The following BAZ2B variants were observed in gnomAD, a reference collection of about 807,000 sequenced individuals.
BAZ2B encodes the protein bromodomain adjacent to zinc finger domain protein 2B.
Under a neutral mutation model 246.0 loss-of-function variants are expected in BAZ2B, and 91 were observed. The ratio of observed to expected loss-of-function variants is 0.37; its 90% confidence interval spans 0.31 to 0.44. The LOEUF (loss-of-function observed/expected upper bound fraction) is 0.44, where lower values mean the gene tolerates loss of function less well. Ranked by LOEUF, BAZ2B falls within the 20% of genes least tolerant of loss-of-function variation. BAZ2B has a pLI of 1.00. For synonymous variants in BAZ2B, 855 were observed against 860.0 expected (o/e 0.99, Z 0.10); for missense variants, 2,332 against 2,533.7 (o/e 0.92, Z 1.71).
intron 2 of BAZ2B, among the ~76,000 whole-genome samples, chr2:159,508,866 T>G (rs555083448): frequency 6.6e-6 from 1 of 152,324 alleles, no homozygotes; most frequent in East Asian, 1.9e-4. Flanking sequence ...CATTACTGTT[T>G]GTGGGTTTGT....
intron 24 of BAZ2B, 80 bp downstream of exon 24, chr2:159,383,526 T>C: frequency 8.3e-7 from 1 of 1,198,840 alleles, no homozygotes; most frequent in South Asian, 1.3e-5. Context: ...GTTTAAATTC[T>C]ATCTTTGCAA....
In BAZ2B at chr2:159,551,466, CAAAAAAAAAAAAAA is replaced by C. The variant is rs57418948; in HGVS notation, c.-3+4343_-3+4356del. Among the ~76,000 whole-genome samples, 6 of 71,672 alleles carry C rather than the reference CAAAAAAAAAAAAAA, an allele frequency of 8.4e-5. No individual in the cohort carries two copies. In the East Asian group the frequency reaches 1.1e-3, roughly 13 times the overall value. The allele number at this position is 71,672 out of a possible 152,430, so 47.0% of individuals were successfully genotyped here. On this transcript the variant is annotated intron_variant, in intron 2 of 36. Transcript: ENST00000392783. ...CCTGGGTGACAGTGAGACTCAGACTCAAAAAAAAAAAAAAAAAAAAAAAAGTTGCCTTAGGACAG... is the reference window on the plus strand; with the variant it reads ...CCTGGGTGACAGTGAGACTCAGACTCAAAAAAAAAAGTTGCCTTAGGACAG...
At chr2:159,475,694 C>T (rs943814199) in intron 3 of BAZ2B, among the ~76,000 whole-genome samples, 4 of 152,298 alleles carry the variant, frequency 2.6e-5, no homozygotes, top group Middle Eastern at 6.8e-3. Context: ...GTGGATTTAT[C>T]TACCTTTGGT....
the BAZ2B span, among the ~76,000 whole-genome samples, chr2:159,659,083 A>C: frequency 6.6e-6 from 1 of 152,158 alleles, no homozygotes; most frequent in East Asian, 1.9e-4. Flanking sequence ...GTTAGGAAGC[A>C]TTCCCTTTGT....
At chr2:159,316,946 A>G (rs1266543839), downstream of BAZ2B, among the ~76,000 whole-genome samples, 1 of 151,996 alleles carries the variant, frequency 6.6e-6, no homozygotes, top group Non-Finnish European at 1.5e-5. Context: ...GGTTGCAGTG[A>G]GCTGTGATCA....
chr2:159,495,715 T>C (rs1033255066), intron 2 of BAZ2B, among the ~76,000 whole-genome samples: 5 of 151,852 alleles, frequency 3.3e-5, no homozygotes, highest in Middle Eastern at 3.2e-3. Context: ...TGGAGTAAAA[T>C]AGGAGAAACA....
At chr2:159,551,452 G>A (rs1168127889) in intron 2 of BAZ2B, among the ~76,000 whole-genome samples, 1 of 129,302 alleles carries the variant, frequency 7.7e-6, no homozygotes, top group East Asian at 2.4e-4. Flanking sequence ...CTGGGTGACA[G>A]TGAGACTCAG....
At chr2:159,417,524 T>C (rs2067966184) in intron 13 of BAZ2B, among the ~76,000 whole-genome samples, 1 of 152,146 alleles carries the variant, frequency 6.6e-6, no homozygotes, top group Non-Finnish European at 1.5e-5. Flanking sequence ...TGCTAATTTG[T>C]ATTCTTAGTG....
At chr2:159,661,349 A>C in the BAZ2B span, among the ~76,000 whole-genome samples, 1 of 152,156 alleles carries the variant, frequency 6.6e-6, no homozygotes, top group South Asian at 2.1e-4. Flanking sequence ...CTGTTGGTGG[A>C]CATTTCAGAT....
rs184803633 is a variant in BAZ2B, at chr2:159,319,037, T to A, written c.*1228A>T. The A allele has an allele frequency of 6.6e-6, 1 of 152,548 alleles. No individual in the cohort carries two copies. Among genetic ancestry groups the A allele is most frequent in the Admixed American group, 6.5e-5 (1 of 15,268 alleles). The allele number at this position is 152,548 out of a possible 1,614,324, so 9.4% of individuals were successfully genotyped here. ...CACACATAGTGAAAAATAACACTCC[T>A]AAAAAAAGAATGCTACCTTTTCCAC... On this transcript the variant is annotated 3_prime_UTR_variant, in exon 37 of 37. Coordinates refer to ENST00000392783, the MANE Select transcript of BAZ2B (RefSeq NM_013450.4). The surrounding 1 kb of genome is among the most constrained non-coding windows in gnomAD (Gnocchi z 4.0).
In BAZ2B at chr2:159,470,196, T is replaced by G. The variant is rs568111144; in HGVS notation, c.145+8379A>C. On this transcript the variant is annotated intron_variant, in intron 3 of 36. Coordinates refer to ENST00000392783, the MANE Select transcript of BAZ2B (RefSeq NM_013450.4). ...AGCAAGTTAAAAGGAAAAAGCCATATAATCATTTCAAAAAGTGCAGAAAAT... is the reference window on the plus strand; with the variant it reads ...AGCAAGTTAAAAGGAAAAAGCCATAGAATCATTTCAAAAAGTGCAGAAAAT... 1.2e-4 allele frequency among the ~76,000 whole-genome samples: 18 copies of G among 152,280 alleles called. No homozygotes were observed. In the South Asian group the frequency reaches 3.7e-3, roughly 32 times the overall value.
At chr2:159,699,456 G>A in the BAZ2B span, among the ~76,000 whole-genome samples, 7 of 152,172 alleles carry the variant, frequency 4.6e-5, no homozygotes, top group African/African-American at 1.2e-4. Flanking sequence ...AGGATCACTT[G>A]AGCCCAGGAG....
chr2:159,354,594 G>A (rs952049803), intron 27 of BAZ2B, among the ~76,000 whole-genome samples: 5 of 152,012 alleles, frequency 3.3e-5, no homozygotes, highest in Non-Finnish European at 5.9e-5. Flanking sequence ...CACGTGATCC[G>A]CATGCCTCAG....
At chr2:159,331,580 TTGGCCAGGCTGGTCTTGATCTCC>T (rs957465541) in intron 34 of BAZ2B, among the ~76,000 whole-genome samples, 33 of 152,188 alleles carry the variant, frequency 2.2e-4, no homozygotes, top group African/African-American at 6.8e-4. Context: ...TTTTGCCATG[TTGGCCAGGCTGGTCTTGATCTCC>T]TGGCCTCAAG....
At chr2:159,441,724 A>G (rs1348084260) in intron 6 of BAZ2B, among the ~76,000 whole-genome samples, 1 of 152,172 alleles carries the variant, frequency 6.6e-6, no homozygotes, top group East Asian at 1.9e-4. Context: ...TTCATAGCTC[A>G]CTGCAGCCTT....
chr2:159,378,176 C>T (rs1331994371), intron 25 of BAZ2B, among the ~76,000 whole-genome samples: 2 of 152,134 alleles, frequency 1.3e-5, no homozygotes, highest in African/African-American at 4.8e-5. Flanking sequence ...GCTCCACTTG[C>T]CAAATGAAGC....
chr2:159,363,708 C>T (rs945131833), intron 27 of BAZ2B, among the ~76,000 whole-genome samples: 3 of 152,186 alleles, frequency 2.0e-5, no homozygotes, highest in South Asian at 2.1e-4. Flanking sequence ...AATTGAGAGA[C>T]GGCCTAATTC....
chr2:159,353,262 A>C (rs1194146926), intron 27 of BAZ2B, among the ~76,000 whole-genome samples: 1 of 152,250 alleles, frequency 6.6e-6, no homozygotes, highest in Non-Finnish European at 1.5e-5. Context: ...CTTCTGACCA[A>C]TATAGAGTAA....
At chr2:159,501,113 A>ATATATATATAATATATATATATATTT (rs1559627818) in intron 2 of BAZ2B, among the ~76,000 whole-genome samples, 9 of 75,378 alleles carry the variant, frequency 1.2e-4, no homozygotes, top group African/African-American at 2.5e-4. Flanking sequence ...CTGTTTAAAA[A>ATATATATATAATATATATATATATTT]TATATATATA....
Sources: allele counts gnomAD v4.1 joint callset (sites outside exome capture counted in the v4.1 genomes callset), GRCh38; gene constraint gnomAD v4.1.1; non-coding constraint Gnocchi (gnomAD v3.1); transcripts MANE v1.5; gene names NCBI Gene and HGNC (gene_info 2026-07-23, HGNC 2026-07-21).